The following MGAM2 variants were observed in gnomAD, a reference collection of about 807,000 sequenced individuals.
MGAM2 encodes the protein probable maltase-glucoamylase 2.
A neutral mutation model predicts 96.1 loss-of-function variants in MGAM2; 98 were observed. The ratio of observed to expected loss-of-function variants is 1.02; its 90% CI spans 0.87 to 1.21. The LOEUF (loss-of-function observed/expected upper bound fraction) is 1.21, where lower values mean the gene tolerates loss of function less well. Among genes scored for constraint, MGAM2 ranks in the 50% most tolerant of loss-of-function variants. The pLI, the probability that MGAM2 is intolerant of heterozygous loss-of-function variation, is 0.00. For synonymous variants in MGAM2, 749 were observed against 414.8 expected (o/e 1.81, Z -9.79); for missense variants, 2,055 against 1,182.4 (o/e 1.74, Z -10.82).
chr7:142,130,023 T>G (rs1173144979), intron 3 of MGAM2, among the ~76,000 whole-genome samples: 4 of 152,120 alleles, frequency 2.6e-5, no homozygotes, highest in African/African-American at 9.7e-5. Flanking sequence ...TCTAACACAG[T>G]GGTCTCAGTT....
At chr7:142,133,799 T>A (rs892798642) in intron 6 of MGAM2, among the ~76,000 whole-genome samples, 182 bp from the exon 7 acceptor site, 1 of 152,160 alleles carries the variant, frequency 6.6e-6, no homozygotes, top group African/African-American at 2.4e-5. Flanking sequence ...CTGGCCCTAA[T>A]GCTGTCTTCC....
intron 1 of MGAM2, 23 bp from the exon 2 acceptor site, chr7:142,116,851 C>T (rs1283435025): frequency 1.4e-6 from 1 of 703,356 alleles, no homozygotes; most frequent in Non-Finnish European, 2.6e-6. Context: ...TTTGTTTTAA[C>T]CCAATTATCT....
In MGAM2 at chr7:142,131,476, G is replaced by A. The variant is rs568277819; in HGVS notation, c.311-42G>A. The A allele has an allele frequency of 8.6e-6, 6 of 694,058 alleles. No individual in the cohort carries two copies. The South Asian group carries it at 9.0e-5, about 10-fold the overall frequency. The allele number at this position is 694,058 out of a possible 1,614,324, so 43.0% of individuals were successfully genotyped here. A position where few individuals can be genotyped will look rare whatever the true frequency, so the allele number is the denominator to read the frequency against. The stretch of plus-strand genomic sequence containing the variant: ...AACAAAACAAAACCAAACACTAAAA[G>A]TTAGTCTCCTTTTCTCTCTCTCCAT... On this transcript the variant is annotated intron_variant, in intron 4 of 47. Transcript: ENST00000477922.
At chr7:142,218,303 G>T (rs1332721376) in intron 46 of MGAM2, 58 bp from the exon 47 acceptor site, 8 of 538,822 alleles carry the variant, frequency 1.5e-5, no homozygotes, top group Non-Finnish European at 2.6e-5. Context: ...TTTTAATATG[G>T]ACCATAGTCT....
intron 44 of MGAM2, among the ~76,000 whole-genome samples, 179 bp from the exon 45 acceptor site, chr7:142,199,701 T>G (rs148989715): frequency 1.3e-5 from 2 of 152,188 alleles, no homozygotes; most frequent in African/African-American, 4.8e-5. Flanking sequence ...ATTTTAAACG[T>G]TTTCCATTAA....
intron 42 of MGAM2, among the ~76,000 whole-genome samples, 177 bp from the exon 43 acceptor site, chr7:142,197,962 G>T (rs76467931): frequency 9.4e-5 from 1 of 10,584 alleles, no homozygotes; most frequent in Non-Finnish European, 2.0e-4. Context: ...TTTAAAAATA[G>T]TTTTTTCTGT....
chr7:142,161,475 C>T (rs548549518), intron 22 of MGAM2, among the ~76,000 whole-genome samples: 15 of 152,164 alleles, frequency 9.9e-5, no homozygotes, highest in Non-Finnish European at 2.1e-4. Flanking sequence ...TATTCTCTTC[C>T]TTGGATATTA....
chr7:142,132,036 G>A lies in MGAM2; in HGVS notation c.526G>A (p.Asp176Asn), dbSNP rs1283192017. The A allele has an allele frequency of 2.8e-6, 2 of 703,170 alleles. No homozygotes were observed. Among genetic ancestry groups the A allele is most frequent in the Admixed American group, 4.0e-5 (2 of 49,970 alleles). 43.6% of individuals were successfully genotyped at this position (703,170 alleles called of 1,614,324 possible). The change falls in exon 6 of 48, where the codon GAT (aspartate) becomes AAT (asparagine). Residue 176 changes from aspartate to asparagine, a missense_variant. Coordinates refer to ENST00000477922, the MANE Select transcript of MGAM2 (RefSeq NM_001293626.2). Reference protein sequence around the residue: ...SNLSYYVEVTDKPFSIKIMRT... With the variant: ...SNLSYYVEVTNKPFSIKIMRT... ...TTTGAGCTATTACGTGGAGGTTACT[G>A]ATAAACCTTTCAGCATCAAAATAAT...
chr7:142,198,758 G>A lies in MGAM2; in HGVS notation c.5048+19G>A, dbSNP rs190212588. 5.7e-6 allele frequency: 4 copies of A among 702,154 alleles called. No individual in the cohort carries two copies. In the East Asian group the frequency reaches 1.1e-4, roughly 19 times the overall value. 43.5% of individuals were successfully genotyped at this position (702,154 alleles called of 1,614,324 possible). A position where few individuals can be genotyped will look rare whatever the true frequency, so the allele number is the denominator to read the frequency against. ...ACTCCAGGTGAGGAGAAGAGGCAATGTCTAACAGCCTCTTGCTATACCGTA... is the reference window on the plus strand; with the variant it reads ...ACTCCAGGTGAGGAGAAGAGGCAATATCTAACAGCCTCTTGCTATACCGTA... On this transcript the variant is annotated intron_variant, in intron 44 of 47. Coordinates refer to ENST00000477922, the MANE Select transcript of MGAM2 (RefSeq NM_001293626.2).
intron 17 of MGAM2, 96 bp downstream of exon 17, chr7:142,154,941 C>T (rs1472407226): frequency 6.0e-5 from 40 of 662,026 alleles, no homozygotes; most frequent in Non-Finnish European, 9.9e-5. Context: ...CAGGTTGGCA[C>T]TAACTGCAGC....
chr7:142,145,215 C>T (rs984467304), intron 14 of MGAM2, among the ~76,000 whole-genome samples: 4 of 152,164 alleles, frequency 2.6e-5, no homozygotes, highest in African/African-American at 9.7e-5. Flanking sequence ...TGCTTTCATC[C>T]TGTTCATTTC....
intron 15 of MGAM2, among the ~76,000 whole-genome samples, chr7:142,149,591 A>G (rs1203317754): frequency 6.6e-6 from 1 of 151,608 alleles, no homozygotes; most frequent in Non-Finnish European, 1.5e-5. Context: ...CCCAGGCTGG[A>G]GTGCAGTGGT....
At chr7:142,166,383 A>G in intron 25 of MGAM2, 130 bp downstream of exon 25, 2 of 544,888 alleles carry the variant, frequency 3.7e-6, no homozygotes, top group Non-Finnish European at 6.5e-6. Context: ...ACTCTACATG[A>G]TAGGTCATCA....
intron 31 of MGAM2, among the ~76,000 whole-genome samples, chr7:142,174,788 T>C (rs974032523): frequency 7.0e-6 from 1 of 142,126 alleles, no homozygotes; most frequent in Admixed American, 7.3e-5. Flanking sequence ...CAATCTCGGC[T>C]CACTGCAACC....
At chr7:142,188,378 G>A (rs1255386584) in intron 36 of MGAM2, among the ~76,000 whole-genome samples, 3 of 152,092 alleles carry the variant, frequency 2.0e-5, no homozygotes, top group Non-Finnish European at 2.9e-5. Context: ...GCTGAGGTGG[G>A]AGGATTGTTT....
intron 24 of MGAM2, among the ~76,000 whole-genome samples, 192 bp downstream of exon 24, chr7:142,165,215 CTCTGAAGAAAATAGCGGGAG>C (rs1283191629): frequency 5.9e-5 from 9 of 152,128 alleles, no homozygotes; most frequent in African/African-American, 1.7e-4. Context: ...TGTATCAGGG[CTCTGAAGAAAATAGCGGGAG>C]TCGGAACCCC....
At position 142,221,109 on chromosome 7, in the gene MGAM2, A is replaced by C; in HGVS notation, c.6598A>C (p.Ile2200Leu). 1.4e-6 allele frequency: 1 copy of C among 702,498 alleles called. No homozygotes were observed. Among genetic ancestry groups the C allele is most frequent in the Non-Finnish European group, 2.6e-6 (1 of 384,752 alleles). 43.5% of individuals were successfully genotyped at this position (702,498 alleles called of 1,614,324 possible). A position where few individuals can be genotyped will look rare whatever the true frequency, so the allele number is the denominator to read the frequency against. The change falls in exon 48 of 48, where the codon ATT (isoleucine) becomes CTT (leucine). Residue 2200 changes from isoleucine (I) to leucine (L), a missense_variant. Physicochemically the swap from Ile to Leu is conservative, Grantham distance 5. Coordinates refer to ENST00000477922, the MANE Select transcript of MGAM2 (RefSeq NM_001293626.2). ...TGACACTACTAGCAACAGTTTTTCC[A>C]TTATGACCACTTCTTTCTCTGAAAG... Reference protein sequence around the residue: ...GVDTTSNSFSIMTTSFSESTN... With the variant: ...GVDTTSNSFSLMTTSFSESTN...
intron 6 of MGAM2, among the ~76,000 whole-genome samples, chr7:142,132,580 T>C (rs1436563045): frequency 4.6e-5 from 6 of 130,342 alleles, no homozygotes; most frequent in African/African-American, 1.8e-4. Context: ...TTATATAATT[T>C]AATCAACTAT....
intron 31 of MGAM2, among the ~76,000 whole-genome samples, chr7:142,175,433 GAGA>G (rs955526410): frequency 4.0e-5 from 6 of 151,832 alleles, no homozygotes; most frequent in Admixed American, 3.3e-4. Context: ...GAAACAGAAG[GAGA>G]AGGAGTGGGC....
Sources: allele counts gnomAD v4.1 joint callset (sites outside exome capture counted in the v4.1 genomes callset), GRCh38; gene constraint gnomAD v4.1.1; transcripts MANE v1.5; gene names NCBI Gene and HGNC (gene_info 2026-07-23, HGNC 2026-07-21).